The following MAGI2 variants were observed in gnomAD, a reference collection of about 807,000 sequenced individuals.
MAGI2 encodes the protein membrane-associated guanylate kinase, WW and PDZ domain-containing protein 2.
Under a neutral mutation model 133.3 loss-of-function variants are expected in MAGI2, and 35 were observed. That is an observed-to-expected ratio of 0.26 (90% CI 0.20 to 0.35). The LOEUF is 0.35. Among genes scored for constraint, MAGI2 ranks in the 10% least tolerant of loss-of-function variants. The pLI is 1.00. For missense variants in MAGI2, 1,636 were observed against 1,863.4 expected (o/e 0.88, Z 2.25); for synonymous variants, 729 against 710.6 (o/e 1.03, Z -0.41).
chr7:79,369,183 C>T (rs1842912538), intron 1 of MAGI2, among the ~76,000 whole-genome samples: 1 of 152,084 alleles, frequency 6.6e-6, no homozygotes, highest in Non-Finnish European at 1.5e-5. Flanking sequence ...TAGATAAATA[C>T]CTAAAACTTA....
At chr7:78,727,470 A>T (rs1235421079) in intron 2 of MAGI2, among the ~76,000 whole-genome samples, 3 of 152,238 alleles carry the variant, frequency 2.0e-5, no homozygotes, top group Non-Finnish European at 4.4e-5. Context: ...GACTATCAGA[A>T]CTTTCAAGGC....
chr7:79,304,319 C>A (rs1167889298), intron 1 of MAGI2, among the ~76,000 whole-genome samples: 1 of 151,142 alleles, frequency 6.6e-6, no homozygotes, highest in Non-Finnish European at 1.5e-5. Context: ...AAATCATATA[C>A]AAAGTGGAAG....
chr7:79,311,993 C>G (rs1838327544), intron 1 of MAGI2, among the ~76,000 whole-genome samples: 1 of 152,172 alleles, frequency 6.6e-6, no homozygotes, highest in African/African-American at 2.4e-5. Flanking sequence ...ACATCCCAGT[C>G]TAAACCTCTC....
chr7:79,139,491 C>T (rs1339712092), intron 1 of MAGI2, among the ~76,000 whole-genome samples: 1 of 152,168 alleles, frequency 6.6e-6, no homozygotes, highest in African/African-American at 2.4e-5. Context: ...AAGCCAATGT[C>T]TGAAGGATCC....
chr7:78,020,597 T>C (rs1200522082), intron 21 of MAGI2, among the ~76,000 whole-genome samples: 4 of 151,848 alleles, frequency 2.6e-5, no homozygotes. Context: ...CATGCATAAA[T>C]CTCATAATCT....
intron 9 of MAGI2, among the ~76,000 whole-genome samples, chr7:78,305,245 C>G (rs1363728673): frequency 6.6e-6 from 1 of 152,118 alleles, no homozygotes; most frequent in Non-Finnish European, 1.5e-5. Context: ...AAAAAGCCTA[C>G]CCTTCAGGAC....
intron 9 of MAGI2, among the ~76,000 whole-genome samples, chr7:78,342,468 C>G (rs540432262): frequency 6.6e-6 from 1 of 152,222 alleles, no homozygotes; most frequent in African/African-American, 2.4e-5. Flanking sequence ...TATATATACC[C>G]AAAGGATTAT....
At position 79,230,549 on chromosome 7, in the gene MAGI2, C is replaced by T. The variant is rs369005072; in HGVS notation, c.301+222471G>A. Among the ~76,000 whole-genome samples the T allele has an allele frequency of 3.6e-3, 544 of 151,674 alleles. 1 individual carries two copies. Among genetic ancestry groups the T allele is most frequent in the African/African-American group, 0.012 (502 of 41,252 alleles). On this transcript the variant is annotated intron_variant, in intron 1 of 21. Coordinates refer to ENST00000354212, the MANE Select transcript of MAGI2 (RefSeq NM_012301.4). Reference sequence around the variant, plus strand: ...GCATTTCTCTGATGGCCAGTGATGACGAGCATTTTTTCATGTGTTTTTTGG... The same window carrying T: ...GCATTTCTCTGATGGCCAGTGATGATGAGCATTTTTTCATGTGTTTTTTGG...
chr7:78,964,136 C>G (rs1803103146), intron 2 of MAGI2, among the ~76,000 whole-genome samples: 1 of 151,020 alleles, frequency 6.6e-6, no homozygotes. Context: ...GGCATCTACG[C>G]TCTTTTTTTT....
intron 18 of MAGI2, among the ~76,000 whole-genome samples, chr7:78,129,960 A>G (rs893808360): frequency 3.7e-4 from 55 of 148,034 alleles, no homozygotes; most frequent in African/African-American, 1.1e-3. Context: ...AAAAAAAAAA[A>G]GAATCACTTC....
chr7:78,355,939 A>G (rs1792033649), intron 7 of MAGI2, among the ~76,000 whole-genome samples: 1 of 152,212 alleles, frequency 6.6e-6, no homozygotes, highest in Admixed American at 6.5e-5. Flanking sequence ...GTGTGTGTGT[A>G]TGCGTTTTAC....
intron 2 of MAGI2, among the ~76,000 whole-genome samples, chr7:78,744,040 T>C (rs1822685300): frequency 6.6e-6 from 1 of 152,210 alleles, no homozygotes; most frequent in South Asian, 2.1e-4. Flanking sequence ...AAAATTACTT[T>C]ACATAAAGAG....
At chr7:79,335,106 C>G (rs10254948) in intron 1 of MAGI2, among the ~76,000 whole-genome samples, 102,994 of 152,060 alleles carry the variant, frequency 0.68, 35,276 homozygotes, top group Non-Finnish European at 0.71. Flanking sequence ...AATGTAAATT[C>G]TAAGAGTCAC....
At chr7:78,897,754 T>C (rs938413816) in intron 2 of MAGI2, among the ~76,000 whole-genome samples, 5 of 152,246 alleles carry the variant, frequency 3.3e-5, no homozygotes, top group Admixed American at 6.5e-5. Flanking sequence ...TGATTCTTCC[T>C]ATTTATGAGT....
intron 2 of MAGI2, among the ~76,000 whole-genome samples, chr7:78,771,841 G>T (rs1825614512): frequency 6.6e-6 from 1 of 152,200 alleles, no homozygotes; most frequent in African/African-American, 2.4e-5. Context: ...TCAATAGTTT[G>T]CTGTTGTGGA....
intron 21 of MAGI2, among the ~76,000 whole-genome samples, chr7:78,031,300 T>C (rs1052405792): frequency 4.6e-5 from 7 of 152,256 alleles, no homozygotes; most frequent in African/African-American, 1.7e-4. Context: ...GATATAACTA[T>C]GTATTTTTGA....
At chr7:78,577,636 A>AG in intron 3 of MAGI2, among the ~76,000 whole-genome samples, 1 of 89,390 alleles carries the variant, frequency 1.1e-5, no homozygotes, top group Non-Finnish European at 2.2e-5. Flanking sequence ...TAAAGGAAAA[A>AG]GGGGGGTTGT....
At chr7:79,194,098 G>A (rs754043538) in intron 1 of MAGI2, among the ~76,000 whole-genome samples, 1 of 151,788 alleles carries the variant, frequency 6.6e-6, no homozygotes, top group Non-Finnish European at 1.5e-5. Flanking sequence ...AATCTCCTAC[G>A]AGTCATTTAT....
intron 3 of MAGI2, among the ~76,000 whole-genome samples, chr7:78,603,901 A>T (rs916549335): frequency 3.3e-5 from 5 of 152,224 alleles, no homozygotes; most frequent in African/African-American, 4.8e-5. Flanking sequence ...TTTGTTGAAC[A>T]CCTACTATAT....
Sources: allele counts gnomAD v4.1 joint callset (sites outside exome capture counted in the v4.1 genomes callset), GRCh38; gene constraint gnomAD v4.1.1; transcripts MANE v1.5; gene names NCBI Gene and HGNC (gene_info 2026-07-23, HGNC 2026-07-21).